The following SNTG1 variants were observed in gnomAD, a reference collection of about 807,000 sequenced individuals.
SNTG1 encodes gamma-1-syntrophin.
SNTG1 carries 39 observed loss-of-function variants against 74.7 expected under a neutral mutation model. That is an observed-to-expected ratio of 0.52 (90% CI 0.40 to 0.68). SNTG1 has a LOEUF of 0.68. Among genes scored for constraint, SNTG1 ranks in the 30% least tolerant of loss-of-function variants. SNTG1 has a pLI of 0.00. For missense variants in SNTG1, 685 were observed against 609.5 expected (o/e 1.12, Z -1.30); for synonymous variants, 254 against 217.1 (o/e 1.17, Z -1.49).
intron 17 of SNTG1, among the ~76,000 whole-genome samples, chr8:50,736,189 G>A (rs775860578): frequency 7.2e-5 from 11 of 151,918 alleles, no homozygotes; most frequent in East Asian, 1.9e-4. Flanking sequence ...AAAGGCCATC[G>A]AGACTATGAA....
chr8:50,534,323 C>T (rs983958907), intron 10 of SNTG1, among the ~76,000 whole-genome samples: 12 of 152,028 alleles, frequency 7.9e-5, no homozygotes, highest in South Asian at 2.1e-4. Flanking sequence ...TCATTGCCAA[C>T]GAGGACCTTG....
At chr8:50,761,199 G>C (rs184685199) in intron 18 of SNTG1, among the ~76,000 whole-genome samples, 1 of 152,068 alleles carries the variant, frequency 6.6e-6, no homozygotes, top group Non-Finnish European at 1.5e-5. Context: ...TTATCCCTGG[G>C]ATCAAGGCTG....
intron 1 of SNTG1, among the ~76,000 whole-genome samples, chr8:50,136,476 T>A (rs2081480244): frequency 6.6e-6 from 1 of 152,142 alleles, no homozygotes; most frequent in Non-Finnish European, 1.5e-5. Flanking sequence ...TATCCCTTTG[T>A]GGTTTTGATT....
intron 2 of SNTG1, among the ~76,000 whole-genome samples, chr8:50,366,772 A>G (rs1440800650): frequency 6.8e-6 from 1 of 146,294 alleles, no homozygotes; most frequent in Non-Finnish European, 1.5e-5. Context: ...GTATTATTTA[A>G]GAACCAATAT....
At chr8:50,552,024 G>A (rs1306200242) in intron 11 of SNTG1, among the ~76,000 whole-genome samples, 1 of 152,094 alleles carries the variant, frequency 6.6e-6, no homozygotes, top group East Asian at 1.9e-4. Context: ...AAAATGTCTA[G>A]TAGAAGAGCC....
At chr8:50,603,627 G>A (rs2094791237) in intron 13 of SNTG1, among the ~76,000 whole-genome samples, 1 of 152,114 alleles carries the variant, frequency 6.6e-6, no homozygotes. Flanking sequence ...AGTCCTCACA[G>A]TCTAGGCTTG....
intron 2 of SNTG1, among the ~76,000 whole-genome samples, chr8:50,371,057 C>T (rs996840052): frequency 1.3e-5 from 2 of 152,048 alleles, no homozygotes; most frequent in African/African-American, 4.8e-5. Flanking sequence ...GCTAGACTGG[C>T]CTTTGGAGGC....
At chr8:50,277,794 T>A (rs1173436365) in intron 2 of SNTG1, among the ~76,000 whole-genome samples, 1 of 152,256 alleles carries the variant, frequency 6.6e-6, no homozygotes, top group East Asian at 1.9e-4. Context: ...TAAGTTTTTA[T>A]TAATTTTATT....
intron 2 of SNTG1, among the ~76,000 whole-genome samples, chr8:50,326,539 C>T (rs2090756952): frequency 6.6e-6 from 1 of 151,500 alleles, no homozygotes; most frequent in Non-Finnish European, 1.5e-5. Context: ...ATACTTATGT[C>T]TCCTCTTTCA....
At chr8:50,438,749 T>C in intron 5 of SNTG1, 150 bp downstream of exon 5, 1 of 607,468 alleles carries the variant, frequency 1.6e-6, no homozygotes, top group Non-Finnish European at 2.9e-6. Context: ...AGGTAGGTTC[T>C]CACAGAATTC....
intron 2 of SNTG1, among the ~76,000 whole-genome samples, chr8:50,232,136 A>G (rs2132070366): frequency 6.6e-6 from 1 of 151,588 alleles, no homozygotes; most frequent in African/African-American, 2.4e-5. Flanking sequence ...AATCAAAACA[A>G]GAAAAGGCAA....
intron 13 of SNTG1, among the ~76,000 whole-genome samples, chr8:50,647,214 G>A (rs915414753): frequency 3.9e-5 from 6 of 151,986 alleles, no homozygotes; most frequent in African/African-American, 1.5e-4. Context: ...TAATTTATTG[G>A]ACCCCATTAA....
chr8:50,763,024 G>A (rs1355066), intron 18 of SNTG1, among the ~76,000 whole-genome samples: 17,790 of 151,846 alleles, frequency 0.12, 3,110 homozygotes, highest in African/African-American at 0.38. Context: ...TTATCTCTCA[G>A]ACTTGTCCAC....
chr8:50,602,726 G>A (rs2094783901), intron 13 of SNTG1, among the ~76,000 whole-genome samples: 1 of 152,022 alleles, frequency 6.6e-6, no homozygotes, highest in Admixed American at 6.6e-5. Context: ...TGTTTGTCTG[G>A]GAAGGTCTTT....
intron 15 of SNTG1, among the ~76,000 whole-genome samples, chr8:50,663,312 A>C (rs1198300248): frequency 1.3e-5 from 2 of 152,174 alleles, no homozygotes; most frequent in African/African-American, 4.8e-5. Context: ...TGAGGAACAA[A>C]GGACAGCCAC....
chr8:50,400,568 A>T (rs140763113), intron 3 of SNTG1, among the ~76,000 whole-genome samples: 4 of 152,156 alleles, frequency 2.6e-5, no homozygotes, highest in Non-Finnish European at 5.9e-5. Flanking sequence ...TTTTTAAGGA[A>T]TCTTCATACT....
intron 1 of SNTG1, among the ~76,000 whole-genome samples, chr8:50,087,222 C>A (rs1822974682): frequency 6.6e-6 from 1 of 152,134 alleles, no homozygotes; most frequent in Admixed American, 6.6e-5. Context: ...TCAGCTTCTT[C>A]TTTTAGAGAT....
At chr8:50,296,696 G>T (rs1311525056) in intron 2 of SNTG1, among the ~76,000 whole-genome samples, 1 of 152,090 alleles carries the variant, frequency 6.6e-6, no homozygotes, top group African/African-American at 2.4e-5. Flanking sequence ...AAGTTGATAA[G>T]TGCAGCGAAC....
At chr8:50,349,226 C>A (rs746706165) in intron 2 of SNTG1, among the ~76,000 whole-genome samples, 2 of 152,160 alleles carry the variant, frequency 1.3e-5, no homozygotes, top group Non-Finnish European at 2.9e-5. Context: ...AACAAATTGT[C>A]TGTGGGGACC....
Sources: gnomAD v4.1 joint callset for allele counts (sites outside exome capture counted in the v4.1 genomes callset) on GRCh38, gnomAD v4.1.1 for gene constraint, MANE v1.5 for transcripts, NCBI Gene and HGNC (gene_info 2026-07-23, HGNC 2026-07-21) for gene names.